Variants in BLTP1 observed in about 807,000 individuals in gnomAD.
The protein encoded by BLTP1 is bridge-like lipid transfer protein family member 1.
At chr4:122,226,882 T>A in the BLTP1 span, 1 of 1,439,906 alleles carries the variant, frequency 6.9e-7, no homozygotes, top group African/African-American at 1.5e-5. Context: ...TTATGAATTT[T>A]AAAAAATGGA....
chr4:122,254,764 T>A, the BLTP1 span: 1 of 1,454,480 alleles, frequency 6.9e-7, no homozygotes, highest in Non-Finnish European at 9.1e-7. Flanking sequence ...GAATACAAAT[T>A]TTGACACTTG....
At chr4:122,309,292 T>G in the BLTP1 span, 1 of 1,613,044 alleles carries the variant, frequency 6.2e-7, no homozygotes, top group Non-Finnish European at 8.5e-7. Flanking sequence ...ACCTTGACAC[T>G]GGTTCTGCTT....
At chr4:122,304,938 C>T in the BLTP1 span, 2 of 1,613,764 alleles carry the variant, frequency 1.2e-6, no homozygotes. Flanking sequence ...TTGGCAAATG[C>T]CAGGTGGATT....
chr4:122,309,794 T>C, the BLTP1 span, among the ~76,000 whole-genome samples: 1 of 151,996 alleles, frequency 6.6e-6, no homozygotes, highest in African/African-American at 2.4e-5. Context: ...AAATGTGCAA[T>C]ATCCAACTCA....
At chr4:122,362,259 G>T in the BLTP1 span, 2 of 1,602,320 alleles carry the variant, frequency 1.2e-6, no homozygotes, top group South Asian at 2.2e-5. Flanking sequence ...AAAGTAATTT[G>T]ATCTGTGAAC....
the BLTP1 span, among the ~76,000 whole-genome samples, chr4:122,161,613 G>T: frequency 6.6e-6 from 1 of 151,540 alleles, no homozygotes; most frequent in African/African-American, 2.4e-5. Context: ...GTATTTTTTT[G>T]TAGAGACGGC....
chr4:122,216,142 T>TCTAC, the BLTP1 span, among the ~76,000 whole-genome samples: 1 of 146,198 alleles, frequency 6.8e-6, no homozygotes, highest in African/African-American at 2.5e-5. Flanking sequence ...TATCTATCTA[T>TCTAC]CTACCACATT....
chr4:122,158,289 G>T, the BLTP1 span, among the ~76,000 whole-genome samples: 2 of 152,080 alleles, frequency 1.3e-5, no homozygotes, highest in African/African-American at 4.8e-5. Context: ...CCTTTCATTC[G>T]TGGTAGTTTC....
the BLTP1 span, chr4:122,245,100 G>A: frequency 6.2e-7 from 1 of 1,610,832 alleles, no homozygotes; most frequent in Non-Finnish European, 8.5e-7. Context: ...AAAGTCCTCA[G>A]GGAAGCTGTC....
the BLTP1 span, chr4:122,201,204 A>G: frequency 1.6e-3 from 1,813 of 1,111,312 alleles, 25 homozygotes; most frequent in African/African-American, 0.026. Context: ...TTACTTTTAA[A>G]TTACATAGGG....
At chr4:122,345,095 T>A in the BLTP1 span, 2 of 852,154 alleles carry the variant, frequency 2.3e-6, no homozygotes, top group Non-Finnish European at 2.8e-6. Flanking sequence ...TAATTATGAA[T>A]CAAATAAATA....
chr4:122,264,205 T>A, the BLTP1 span: 1 of 1,518,336 alleles, frequency 6.6e-7, no homozygotes. Context: ...TATGTGTTTC[T>A]ATTCCCCAAT....
At chr4:122,273,442 A>T in the BLTP1 span, 1 of 984,818 alleles carries the variant, frequency 1.0e-6, no homozygotes, top group Non-Finnish European at 1.2e-6. Context: ...AAATATCACA[A>T]AGGATATAAA....
chr4:122,255,703 A>G, the BLTP1 span, among the ~76,000 whole-genome samples: 2,560 of 152,224 alleles, frequency 0.017, 37 homozygotes, highest in Non-Finnish European at 0.028. Context: ...GCTCAGACTA[A>G]TGATTTGGGA....
chr4:122,178,807 C>T, the BLTP1 span, among the ~76,000 whole-genome samples: 1 of 152,020 alleles, frequency 6.6e-6, no homozygotes, highest in Admixed American at 6.5e-5. Flanking sequence ...TCTCTGGTGC[C>T]TAAAACAGTG....
the BLTP1 span, among the ~76,000 whole-genome samples, chr4:122,256,526 T>A: frequency 1.3e-5 from 2 of 152,186 alleles, no homozygotes; most frequent in Admixed American, 1.3e-4. Context: ...GATTCCTGCC[T>A]TCTAGTAAAT....
the BLTP1 span, among the ~76,000 whole-genome samples, chr4:122,253,783 T>C: frequency 1.3e-5 from 2 of 152,078 alleles, no homozygotes; most frequent in Admixed American, 6.6e-5. Context: ...GATATCAATA[T>C]TCAAGTACAA....
chr4:122,320,286 C>T, the BLTP1 span, among the ~76,000 whole-genome samples: 4 of 151,772 alleles, frequency 2.6e-5, no homozygotes, highest in Non-Finnish European at 5.9e-5. Flanking sequence ...GTAGCTGGGA[C>T]CACAGCACAT....
the BLTP1 span, chr4:122,211,158 G>GA: frequency 1.4e-6 from 2 of 1,397,076 alleles, no homozygotes; most frequent in Non-Finnish European, 2.0e-6. Flanking sequence ...AAATTTAATT[G>GA]AAAATTGAGA....
Sources: allele counts gnomAD v4.1 joint callset (sites outside exome capture counted in the v4.1 genomes callset), GRCh38; gene constraint gnomAD v4.1.1; transcripts MANE v1.5; gene names NCBI Gene and HGNC (gene_info 2026-07-23, HGNC 2026-07-21).